The following MAGI2 variants were observed in gnomAD, a reference collection of about 807,000 sequenced individuals.
The protein encoded by MAGI2 is membrane-associated guanylate kinase, WW and PDZ domain-containing protein 2.
MAGI2 carries 35 observed loss-of-function variants against 133.3 expected under a neutral mutation model. The ratio of observed to expected loss-of-function variants is 0.26; its 90% CI spans 0.20 to 0.35. The LOEUF is 0.35. MAGI2 is among the 10% of genes least tolerant of loss of function. The probability of loss-of-function intolerance (pLI) is 1.00; values close to 1 mark genes in which losing one functional copy is unlikely to be tolerated. For synonymous variants in MAGI2, 729 were observed against 710.6 expected, an observed-to-expected ratio of 1.03 and a Z score of -0.41; for missense variants, 1,636 against 1,863.4, an observed-to-expected ratio of 0.88 and a Z score of 2.25.
At chr7:79,079,058 C>T (rs1445711080) in intron 1 of MAGI2, among the ~76,000 whole-genome samples, 2 of 152,148 alleles carry the variant, frequency 1.3e-5, no homozygotes. Flanking sequence ...TACATAGCAG[C>T]TGTTCCCTAA....
intron 2 of MAGI2, among the ~76,000 whole-genome samples, chr7:78,837,110 G>T (rs1791695059): frequency 6.6e-6 from 1 of 152,062 alleles, no homozygotes; most frequent in African/African-American, 2.4e-5. Context: ...AATTAATTAT[G>T]TGATCAGCCT....
intron 4 of MAGI2, among the ~76,000 whole-genome samples, chr7:78,503,490 G>GTCT (rs1254310789): frequency 1.3e-5 from 2 of 149,394 alleles, no homozygotes; most frequent in East Asian, 4.0e-4. Context: ...GTGGTAGTGA[G>GTCT]TAAGTCTCAC....
At chr7:79,244,941 A>T (rs939968962) in intron 1 of MAGI2, among the ~76,000 whole-genome samples, 6 of 152,188 alleles carry the variant, frequency 3.9e-5, no homozygotes, top group African/African-American at 1.4e-4. Context: ...AGCAACAGGC[A>T]GTCCTGTTCC....
chr7:79,077,518 T>A (rs1815586858), intron 1 of MAGI2, among the ~76,000 whole-genome samples: 1 of 135,852 alleles, frequency 7.4e-6, no homozygotes, highest in African/African-American at 2.8e-5. Flanking sequence ...GAGCTTGCAG[T>A]GAGCCGAGAT....
At chr7:78,227,109 T>A (rs1789467683) in intron 10 of MAGI2, among the ~76,000 whole-genome samples, 2 of 151,826 alleles carry the variant, frequency 1.3e-5, no homozygotes, top group South Asian at 2.1e-4. Flanking sequence ...TTTCTATTCT[T>A]TTCTTGTACA....
At chr7:79,048,858 C>A (rs1025889309) in intron 1 of MAGI2, among the ~76,000 whole-genome samples, 5 of 152,142 alleles carry the variant, frequency 3.3e-5, no homozygotes, top group Non-Finnish European at 7.4e-5. Context: ...CCTGGTGGTG[C>A]ATGCCTGTAA....
At chr7:78,365,658 T>C (rs994006971) in intron 7 of MAGI2, among the ~76,000 whole-genome samples, 1 of 152,210 alleles carries the variant, frequency 6.6e-6, no homozygotes, top group African/African-American at 2.4e-5. Context: ...ACAATTTCCA[T>C]GACATGATTA....
chr7:78,581,919 C>T (rs1026063461), intron 3 of MAGI2, among the ~76,000 whole-genome samples: 1 of 152,104 alleles, frequency 6.6e-6, no homozygotes, highest in African/African-American at 2.4e-5. Context: ...TGTTCTTGTG[C>T]CTTCAGAAGT....
At chr7:79,151,581 C>T (rs571586130) in intron 1 of MAGI2, among the ~76,000 whole-genome samples, 15 of 151,928 alleles carry the variant, frequency 9.9e-5, no homozygotes, top group Non-Finnish European at 1.5e-4. Context: ...ACTGAGTATA[C>T]ATTAGAAATA....
chr7:78,287,426 A>T (rs953750575), intron 9 of MAGI2, among the ~76,000 whole-genome samples: 3 of 152,172 alleles, frequency 2.0e-5, no homozygotes, highest in African/African-American at 7.2e-5. Context: ...ATGTAGTAGG[A>T]AATACTGAGT....
At chr7:78,877,158 G>T (rs12669340) in intron 2 of MAGI2, among the ~76,000 whole-genome samples, 1 of 151,912 alleles carries the variant, frequency 6.6e-6, no homozygotes, top group African/African-American at 2.4e-5. Flanking sequence ...CACACTTTTC[G>T]TGTACTGATT....
At chr7:79,259,191 C>T (rs1360069706) in intron 1 of MAGI2, among the ~76,000 whole-genome samples, 3 of 152,194 alleles carry the variant, frequency 2.0e-5, no homozygotes, top group Non-Finnish European at 4.4e-5. Flanking sequence ...AATACTTTAT[C>T]TTAATCATGA....
intron 2 of MAGI2, among the ~76,000 whole-genome samples, chr7:78,793,914 T>C (rs2151375225): frequency 6.6e-6 from 1 of 152,308 alleles, no homozygotes; most frequent in African/African-American, 2.4e-5. Flanking sequence ...TCTTGGGGAC[T>C]CCTGTCTCAT....
At position 78,470,237 on chromosome 7, in the gene MAGI2, G is replaced by C. The variant is rs1005299628; in HGVS notation, c.1045+19524C>G. 2.2e-4 allele frequency among the ~76,000 whole-genome samples: 33 copies of C among 152,134 alleles called. 1 individual carries two copies. Among genetic ancestry groups the C allele is most frequent in the African/African-American group, 6.0e-4 (25 of 41,444 alleles). Reference sequence around the variant, plus strand: ...ACTTAGAGATATTGTCACTATCTTTGTAAGTAATATGCTACATTTTGTACC... The same window carrying C: ...ACTTAGAGATATTGTCACTATCTTTCTAAGTAATATGCTACATTTTGTACC... On this transcript the variant is annotated intron_variant, in intron 6 of 21. Coordinates refer to ENST00000354212, the MANE Select transcript of MAGI2 (RefSeq NM_012301.4).
chr7:78,141,215 G>C (rs1822712464), intron 16 of MAGI2, among the ~76,000 whole-genome samples: 1 of 152,148 alleles, frequency 6.6e-6, no homozygotes. Flanking sequence ...CTTTAGCCCA[G>C]CTCCCGTGAA....
In MAGI2 at chr7:78,151,940, G is replaced by A. The variant is rs148305797; in HGVS notation, c.2845+8085C>T. On this transcript the variant is annotated intron_variant, in intron 16 of 21. Transcript: ENST00000354212. ...AGCATACAGCCCCATCGACATAAATGGCATGAAAATCCTTGAAAAAAACCT... is the reference window on the plus strand; with the variant it reads ...AGCATACAGCCCCATCGACATAAATAGCATGAAAATCCTTGAAAAAAACCT... 4.6e-3 allele frequency among the ~76,000 whole-genome samples: 696 copies of A among 151,982 alleles called. 2 individuals are homozygous for A. Among genetic ancestry groups the A allele is most frequent in the African/African-American group, 0.016 (648 of 41,450 alleles).
At chr7:78,275,069 T>C (rs979358122) in intron 9 of MAGI2, among the ~76,000 whole-genome samples, 16 of 152,124 alleles carry the variant, frequency 1.1e-4, no homozygotes, top group African/African-American at 3.9e-4. Context: ...CCCAGGGCCC[T>C]GGTGGGGTAG....
intron 3 of MAGI2, among the ~76,000 whole-genome samples, chr7:78,529,685 T>G (rs1584511660): frequency 3.1e-5 from 3 of 98,142 alleles, no homozygotes; most frequent in South Asian, 3.9e-4. Context: ...TTTTTTTTTT[T>G]TTTTTTTTTT....
At position 78,071,437 on chromosome 7, in the gene MAGI2, T is replaced by C. The variant is rs185278998; in HGVS notation, c.3706+7510A>G. Among the ~76,000 whole-genome samples the C allele has an allele frequency of 5.7e-3, 872 of 152,280 alleles. 31 individuals carry two copies. Among genetic ancestry groups the C allele is most frequent in the Admixed American group, 0.052 (798 of 15,298 alleles). ...CTGTAGTCCCAGCTACTCAGGAGGC[T>C]GAAGCAGGAGGATCGCTTGAACCTG... On this transcript the variant is annotated intron_variant, in intron 21 of 21. Transcript: ENST00000354212.
Sources: gnomAD v4.1 joint callset for allele counts (sites outside exome capture counted in the v4.1 genomes callset) on GRCh38, gnomAD v4.1.1 for gene constraint, MANE v1.5 for transcripts, NCBI Gene and HGNC (gene_info 2026-07-23, HGNC 2026-07-21) for gene names.